Variants in VAPA observed in about 807,000 individuals in gnomAD.
VAPA encodes the protein vesicle-associated membrane protein-associated protein A.
VAPA carries 6 observed loss-of-function variants against 25.6 expected under a neutral mutation model. The ratio of observed to expected loss-of-function variants is 0.23; its 90% CI spans 0.13 to 0.46. VAPA has a LOEUF of 0.46. Among genes scored for constraint, VAPA ranks in the 20% least tolerant of loss-of-function variants. VAPA has a pLI of 0.99. For missense variants in VAPA, 244 were observed against 302.1 expected, an observed-to-expected ratio of 0.81 and a Z score of 1.43; for synonymous variants, 112 against 106.2, an observed-to-expected ratio of 1.05 and a Z score of -0.34.
At chr18:9,914,645 G>C (rs940733088) in intron 1 of VAPA, 2 of 150,440 alleles carry the variant, frequency 1.3e-5, no homozygotes, top group African/African-American at 4.9e-5. Context: ...GCGCCTCCTG[G>C]GCGTCCGGTC....
intron 4 of VAPA, chr18:9,948,283 A>C (rs1244810540): frequency 6.6e-6 from 1 of 152,166 alleles, no homozygotes; most frequent in Non-Finnish European, 1.5e-5. Context: ...CTTCCTATGG[A>C]CATGTTATTT....
At chr18:9,935,094 CAAAAA>C (rs34998578) in intron 2 of VAPA, among the ~76,000 whole-genome samples, 5,978 of 86,860 alleles carry the variant, frequency 0.069, 213 homozygotes, top group East Asian at 0.16. Flanking sequence ...GACTCCGTCT[CAAAAA>C]AAAAAAAAAA....
At chr18:9,931,050 GT>G (rs2143337398) in intron 1 of VAPA, among the ~76,000 whole-genome samples, 1 of 152,096 alleles carries the variant, frequency 6.6e-6, no homozygotes, top group Admixed American at 6.5e-5. Context: ...TAAACGAATT[GT>G]TTTTAGAACG....
At position 9,955,824 on chromosome 18, in the gene VAPA, C is replaced by T. The variant is rs1381119092; in HGVS notation, c.*1613C>T. The T allele has an allele frequency of 6.6e-6, 1 of 152,164 alleles. No homozygotes were observed. The highest frequency in any genetic ancestry group is 1.5e-5 in the Non-Finnish European group (1 of 68,022). 9.4% of individuals were successfully genotyped at this position (152,164 alleles called of 1,614,324 possible). The stretch of plus-strand genomic sequence containing the variant: ...TCCTAAAAGGAAACACAAGTAATGC[C>T]TATCCATTACTAGCATGCTATGCTG... On this transcript the variant is annotated 3_prime_UTR_variant, in exon 6 of 6. Transcript: ENST00000400000.
chr18:9,930,155 C>T (rs1014585612), intron 1 of VAPA, among the ~76,000 whole-genome samples: 8 of 152,030 alleles, frequency 5.3e-5, no homozygotes, highest in Non-Finnish European at 7.4e-5. Flanking sequence ...ATTAATAAAA[C>T]ATTTAATTCT....
Position 9,916,270 on chromosome 18 carries a change from C to A in VAPA, c.79+1935C>A, listed in dbSNP as rs1033981314. ...CTTTTTTGGGGGTGTTGGAGAATTA[C>A]AGCTATGATTATAGAACTCATTGTT... is the stretch of plus-strand genomic sequence containing the variant. On this transcript the variant is annotated intron_variant, in intron 1 of 5. Coordinates refer to ENST00000400000, the MANE Select transcript of VAPA (RefSeq NM_194434.3). Among the ~76,000 whole-genome samples, 5 of 152,184 alleles carry A rather than the reference C, an allele frequency of 3.3e-5. No homozygotes were observed. In the South Asian group the frequency reaches 1.0e-3, roughly 32 times the overall value.
At chr18:9,932,555 A>T (rs1350186420) in intron 2 of VAPA, among the ~76,000 whole-genome samples, 1 of 152,224 alleles carries the variant, frequency 6.6e-6, no homozygotes, top group African/African-American at 2.4e-5. Context: ...ACCATATCTA[A>T]TGCCCCCTAT....
chr18:9,942,637 C>CT (rs2069377661), intron 4 of VAPA, among the ~76,000 whole-genome samples: 1 of 152,136 alleles, frequency 6.6e-6, no homozygotes, highest in Non-Finnish European at 1.5e-5. Context: ...AGCAGGGCGG[C>CT]TTCTGCTTCT....
intron 4 of VAPA, 124 bp downstream of exon 4, chr18:9,937,190 TG>T: frequency 2.0e-6 from 1 of 495,732 alleles, no homozygotes. Flanking sequence ...TAAGACTCAG[TG>T]GTTAAGTTTT....
In VAPA at chr18:9,959,731, A is replaced by G. The variant is rs1167625293; in HGVS notation, c.*5520A>G. 1 of 150,068 alleles carries G rather than the reference A, an allele frequency of 6.7e-6. No homozygotes were observed. Among genetic ancestry groups the G allele is most frequent in the Non-Finnish European group, 1.5e-5 (1 of 67,534 alleles). 9.3% of individuals were successfully genotyped at this position (150,068 alleles called of 1,614,324 possible). ...TTACTGACATTGTTCCAAAAAAAAA[A>G]AAAAAAAAAAAAAAAATGTGGAGGG... On this transcript the variant is annotated 3_prime_UTR_variant, in exon 6 of 6. Transcript: ENST00000400000.
At chr18:9,932,180 T>TTA (rs2069262133) in intron 2 of VAPA, among the ~76,000 whole-genome samples, 1 of 152,218 alleles carries the variant, frequency 6.6e-6, no homozygotes, top group Non-Finnish European at 1.5e-5. Flanking sequence ...AAGAAATTAT[T>TTA]GTCAATTACA....
chr18:9,951,119 G>T (rs1390851722), intron 5 of VAPA: 1 of 152,166 alleles, frequency 6.6e-6, no homozygotes, highest in Non-Finnish European at 1.5e-5. Context: ...TAAATGTACT[G>T]TTGGAAAATT....
At chr18:9,943,654 G>A (rs1169192251) in intron 4 of VAPA, among the ~76,000 whole-genome samples, 2 of 152,048 alleles carry the variant, frequency 1.3e-5, no homozygotes, top group African/African-American at 4.8e-5. Flanking sequence ...TGTCCAATTA[G>A]TGGTAGTGGT....
rs188450535 is a variant in VAPA at position 9,930,171 on chromosome 18, C to G, written c.80-1639C>G. On this transcript the variant is annotated intron_variant, in intron 1 of 5. Coordinates refer to ENST00000400000, the MANE Select transcript of VAPA (RefSeq NM_194434.3). ...TTAATAAAACATTTAATTCTAAAAA[C>G]TTACATAATTATGTTATGAAAATAC... Among the ~76,000 whole-genome samples, 418 of 152,128 alleles carry G rather than the reference C, an allele frequency of 2.7e-3. 2 individuals carry two copies. The highest frequency in any genetic ancestry group is 9.7e-3 in the African/African-American group (401 of 41,522).
chr18:9,935,824 T>C (rs2069304198), intron 2 of VAPA, among the ~76,000 whole-genome samples: 1 of 152,226 alleles, frequency 6.6e-6, no homozygotes, highest in Non-Finnish European at 1.5e-5. Flanking sequence ...TAATTGTAAT[T>C]GTTTATTTTG....
intron 5 of VAPA, among the ~76,000 whole-genome samples, chr18:9,951,610 G>A (rs2069490871): frequency 6.6e-6 from 1 of 152,198 alleles, no homozygotes; most frequent in Non-Finnish European, 1.5e-5. Context: ...ATTTGTCTTT[G>A]ACAAGTAATT....
chr18:9,948,505 TAATC>T (rs1205332547), intron 4 of VAPA: 1 of 152,212 alleles, frequency 6.6e-6, no homozygotes, highest in Non-Finnish European at 1.5e-5. Context: ...AATTTAAAAA[TAATC>T]AGTTGTCGAG....
At chr18:9,933,729 G>A (rs939413269) in intron 2 of VAPA, among the ~76,000 whole-genome samples, 6 of 152,238 alleles carry the variant, frequency 3.9e-5, no homozygotes, top group Non-Finnish European at 5.9e-5. Flanking sequence ...GTAGAGGCAG[G>A]GTTTCACCAT....
At chr18:9,952,314 C>G (rs1407754278) in intron 5 of VAPA, among the ~76,000 whole-genome samples, 1 of 152,168 alleles carries the variant, frequency 6.6e-6, no homozygotes, top group East Asian at 1.9e-4. Flanking sequence ...CACCGGTAAT[C>G]CCAGCACTTT....
Sources: gnomAD v4.1 joint callset for allele counts (sites outside exome capture counted in the v4.1 genomes callset) on GRCh38, gnomAD v4.1.1 for gene constraint, MANE v1.5 for transcripts, NCBI Gene and HGNC (gene_info 2026-07-23, HGNC 2026-07-21) for gene names.